Variants in HSF4 observed in about 807,000 individuals in gnomAD.
HSF4 encodes heat shock transcription factor 4.
HSF4 carries 41 observed loss-of-function variants against 52.0 expected under a neutral mutation model. That is an observed-to-expected ratio of 0.79 (90% CI 0.61 to 1.02). The LOEUF is 1.02. Among genes scored for constraint, HSF4 ranks in the 50% least tolerant of loss-of-function variants. The pLI, the probability that HSF4 is intolerant of heterozygous loss-of-function variation, is 0.00. For synonymous variants in HSF4, 285 were observed against 273.0 expected (o/e 1.04, Z -0.43); for missense variants, 610 against 651.1 (o/e 0.94, Z 0.69).
In HSF4 at chr16:67,169,675, G is replaced by GCGGCCTTGGGAGGCC. The variant is rs1401981437; in HGVS notation, c.1371_1385dup (p.Gly461_Gly465dup). On this transcript the variant is annotated inframe_insertion, in exon 13 of 13. Coordinates refer to ENST00000521374, the MANE Select transcript of HSF4 (RefSeq NM_001374675.1). The surrounding 1 kb of genome is among the most constrained non-coding windows in gnomAD (Gnocchi z 4.3). ...GGCCCCACTCCTGCTGGATGTCCAGGCGGCCTTGGGAGGCCCAGCCCTGGG... is the reference window on the plus strand; with the variant it reads ...GGCCCCACTCCTGCTGGATGTCCAGGCGGCCTTGGGAGGCCCGGCCTTGGGAGGCCCAGCCCTGGG... The GCGGCCTTGGGAGGCC allele has an allele frequency of 1.2e-6, 2 of 1,611,992 alleles. No individual in the cohort carries two copies. The highest frequency in any genetic ancestry group is 2.7e-5 in the African/African-American group (2 of 74,920).
upstream of HSF4, chr16:67,164,588 T>A (rs1247981439): frequency 4.6e-5 from 7 of 153,804 alleles, no homozygotes; most frequent in African/African-American, 1.1e-4. Context: ...ACCCCACCCC[T>A]CCACTCCACT....
intron 9 of HSF4, 45 bp downstream of exon 9, chr16:67,167,992 C>T: frequency 7.1e-7 from 1 of 1,413,844 alleles, no homozygotes; most frequent in Non-Finnish European, 9.7e-7. Context: ...GATAGAACAG[C>T]CCTTACCAGC....
intron 9 of HSF4, among the ~76,000 whole-genome samples, chr16:67,168,541 GAAAT>G (rs759707346): frequency 5.3e-5 from 8 of 151,060 alleles, no homozygotes; most frequent in South Asian, 2.1e-4. Flanking sequence ...AAGAAAGAAA[GAAAT>G]AAAGAAAGAA....
In HSF4 at chr16:67,167,714, G is replaced by C. The variant is rs1292109966; in HGVS notation, c.855-6G>C. 1.2e-6 allele frequency: 2 copies of C among 1,610,984 alleles called. No individual in the cohort carries two copies. Among genetic ancestry groups the C allele is most frequent in the South Asian group, 2.2e-5 (2 of 90,930 alleles). ...AGGGTCTGGTTGAAGCTTTTCTCTG[G>C]TGCAGGGAGAAGGGCCTGGCACTGC... On this transcript the variant is annotated splice_region_variant and splice_polypyrimidine_tract_variant and intron_variant, in intron 8 of 12. Transcript: ENST00000521374.
At position 67,166,307 on chromosome 16, in the gene HSF4, A is replaced by C; in HGVS notation, c.486-13A>C. 6.2e-7 allele frequency: 1 copy of C among 1,609,302 alleles called. No individual in the cohort carries two copies. The highest frequency in any genetic ancestry group is 1.1e-5 in the South Asian group (1 of 90,242). Reference sequence around the variant, plus strand: ...CTCTCAGATGCCTCAGCACCCTCCCACCCCTTCCTCAGGCAGAACGAGATC... The same window carrying C: ...CTCTCAGATGCCTCAGCACCCTCCCCCCCCTTCCTCAGGCAGAACGAGATC... On this transcript the variant is annotated splice_polypyrimidine_tract_variant and intron_variant, in intron 4 of 12. Coordinates refer to ENST00000521374, the MANE Select transcript of HSF4 (RefSeq NM_001374675.1).
At position 67,169,595 on chromosome 16, in the gene HSF4, C is replaced by T. The variant is rs758842445; in HGVS notation, c.1325-36C>T. 2.1e-5 allele frequency: 34 copies of T among 1,601,488 alleles called. No homozygotes were observed. The highest frequency in any genetic ancestry group is 2.7e-5 in the Non-Finnish European group (32 of 1,179,668). On this transcript the variant is annotated intron_variant, in intron 12 of 12. Transcript: ENST00000521374. This position sits in a 1 kb window ranked among gnomAD's most constrained non-coding sequence, Gnocchi z 4.3. ...CCTTCCCTGAAGAAAGGAGGGGGAACATTTCCCCTGGTGAGCGCAGTCCCA... is the reference window on the plus strand; with the variant it reads ...CCTTCCCTGAAGAAAGGAGGGGGAATATTTCCCCTGGTGAGCGCAGTCCCA...
chr16:67,165,753 C>G lies in HSF4; in HGVS notation c.267C>G (p.Gly89=), dbSNP rs1164020785. Residue 89 remains glycine, a synonymous_variant, in exon 3 of 13, where the codon GGC becomes GGG. Transcript: ENST00000521374. This position sits in a 1 kb window ranked among gnomAD's most constrained non-coding sequence, Gnocchi z 6.9. ...GGAAGGTGGTGAGCATCGAGCAGGG[C>G]GGCCTGCTTAGGCCGGAGCGCGACC... ...GFRKVVSIEQ[G]GLLRPERDHV... is the part of the protein sequence containing the mutation. The G allele has an allele frequency of 4.3e-6, 7 of 1,611,340 alleles. No individual in the cohort carries two copies. Among genetic ancestry groups the G allele is most frequent in the Non-Finnish European group, 5.9e-6 (7 of 1,179,790 alleles).
chr16:67,165,952 G>C lies in HSF4; in HGVS notation c.367G>C (p.Ala123Pro), dbSNP rs2031249427. The C allele has an allele frequency of 1.3e-6, 2 of 1,570,838 alleles. No individual in the cohort carries two copies. Residue 123 changes from alanine (A) to proline (P), a missense_variant, in exon 4 of 13, where the codon GCG becomes CCG. Ala to Pro is a conservative substitution (Grantham distance 27). Coordinates refer to ENST00000521374, the MANE Select transcript of HSF4 (RefSeq NM_001374675.1). The surrounding 1 kb of genome is among the most constrained non-coding windows in gnomAD (Gnocchi z 6.9). ...LLERVRRKVP[A>P]LRGDDGRWRP... ...CGGTGCCTCCCGCCTGCAGGTGCCC[G>C]CGCTGCGCGGCGACGACGGCCGCTG...
chr16:67,165,275 C>T lies in HSF4; in HGVS notation c.124-247C>T, dbSNP rs770175064. 59 of 598,382 alleles carry T rather than the reference C, an allele frequency of 9.9e-5. No homozygotes were observed. Among genetic ancestry groups the T allele is most frequent in the Non-Finnish European group, 1.2e-4 (40 of 336,500 alleles). 37.1% of individuals were successfully genotyped at this position (598,382 alleles called of 1,614,324 possible). A position where few individuals can be genotyped will look rare whatever the true frequency, so the allele number is the denominator to read the frequency against. ...GCGGGGCTGGGAACCCCGTCAGCCT[C>T]TCCTTTCTGAGAACTGAGTATGGAG... is the stretch of plus-strand genomic sequence containing the variant. On this transcript the variant is annotated intron_variant, in intron 1 of 12. Transcript: ENST00000521374. The surrounding 1 kb of genome is among the most constrained non-coding windows in gnomAD (Gnocchi z 6.9).
chr16:67,168,303 G>C (rs61684153), intron 9 of HSF4, among the ~76,000 whole-genome samples: 12,239 of 151,838 alleles, frequency 0.081, 914 homozygotes, highest in African/African-American at 0.2. Flanking sequence ...GAAACCCCCC[G>C]CCTCTGCTAA....
In HSF4 at chr16:67,165,961, G is replaced by A. The variant is rs779043988; in HGVS notation, c.376G>A (p.Gly126Ser). 1.9e-6 allele frequency: 3 copies of A among 1,565,518 alleles called. No homozygotes were observed. The highest frequency in any genetic ancestry group is 2.3e-5 in the East Asian group (1 of 42,584). The change falls in exon 4 of 13, where the codon GGC becomes AGC. Residue 126 changes from glycine to serine, a missense_variant. Coordinates refer to ENST00000521374, the MANE Select transcript of HSF4 (RefSeq NM_001374675.1). This position sits in a 1 kb window ranked among gnomAD's most constrained non-coding sequence, Gnocchi z 6.9. ...RVRRKVPALR[G>S]DDGRWRPEDL... ...CCGCCTGCAGGTGCCCGCGCTGCGC[G>A]GCGACGACGGCCGCTGGCGCCCGGA... is the stretch of plus-strand genomic sequence containing the variant.
chr16:67,164,261 G>T (rs1051403393), upstream of HSF4: 2 of 417,062 alleles, frequency 4.8e-6, no homozygotes, highest in South Asian at 1.8e-5. Context: ...CCCGGCAGAG[G>T]TTGGGTTTCC....
Position 67,165,929 on chromosome 16 carries a change from G to C in HSF4, c.361-17G>C, listed in dbSNP as rs756720406. 6.3e-7 allele frequency: 1 copy of C among 1,581,492 alleles called. No homozygotes were observed. Among genetic ancestry groups the C allele is most frequent in the Non-Finnish European group, 8.5e-7 (1 of 1,172,190 alleles). On this transcript the variant is annotated splice_polypyrimidine_tract_variant and intron_variant, in intron 3 of 12. Transcript: ENST00000521374. The surrounding 1 kb of genome is among the most constrained non-coding windows in gnomAD (Gnocchi z 6.9). ...TTGCTCCTGCGACCCAGTCCCGACG[G>C]TGCCTCCCGCCTGCAGGTGCCCGCG...
At position 67,169,284 on chromosome 16, in the gene HSF4, G is replaced by A; in HGVS notation, c.1260G>A (p.Gln420=). 6.2e-7 allele frequency: 1 copy of A among 1,613,624 alleles called. No individual in the cohort carries two copies. The highest frequency in any genetic ancestry group is 8.5e-7 in the Non-Finnish European group (1 of 1,179,988). The change falls in exon 12 of 13, where the codon CAG becomes CAA. Residue 420 remains glutamine, a synonymous_variant. Transcript: ENST00000521374. The surrounding 1 kb of genome is among the most constrained non-coding windows in gnomAD (Gnocchi z 4.3). ...TCCCTGCGGTTCTCACGCAGATGCA[G>A]CCCTTGGTTCCAGAGCGGGGTGAGC... The part of the protein sequence containing the change: ...MDLDMELSLM[Q]PLVPERGEPE...
upstream of HSF4, chr16:67,164,287 C>A: frequency 5.1e-6 from 2 of 395,084 alleles, no homozygotes; most frequent in Middle Eastern, 4.3e-4. Flanking sequence ...AGCCTCTGGA[C>A]GACACAGCTG....
At position 67,166,700 on chromosome 16, in the gene HSF4, C is replaced by T. The variant is rs1397771229; in HGVS notation, c.626+78C>T. ...TCCCCTTGCAAGGACCCCTTCTCCTCTGGAAACTCCTTCACCGGGAATCCT... is the reference window on the plus strand; with the variant it reads ...TCCCCTTGCAAGGACCCCTTCTCCTTTGGAAACTCCTTCACCGGGAATCCT... On this transcript the variant is annotated intron_variant, in intron 6 of 12. Transcript: ENST00000521374. The T allele has an allele frequency of 1.5e-5, 19 of 1,304,934 alleles. No individual in the cohort carries two copies. In the Admixed American group the frequency reaches 3.2e-4, roughly 22 times the overall value. The allele number at this position is 1,304,934 out of a possible 1,614,324, so 80.8% of individuals were successfully genotyped here. A position where few individuals can be genotyped will look rare whatever the true frequency, so the allele number is the denominator to read the frequency against.
In HSF4 at chr16:67,165,603, G is replaced by A; in HGVS notation, c.205G>A (p.Ala69Thr). ...CCAGTATTTCAAGCATAGCAACATG[G>A]CGAGCTTCGTGCGCCAACTCAACAT... ...LPQYFKHSNM[A>T]SFVRQLNMYG... Residue 69 changes from alanine (A) to threonine (T), a missense_variant, in exon 2 of 13, where the codon GCG becomes ACG. Physicochemically the swap from Ala to Thr is moderately conservative, Grantham distance 58. Coordinates refer to ENST00000521374, the MANE Select transcript of HSF4 (RefSeq NM_001374675.1). The surrounding 1 kb of genome is among the most constrained non-coding windows in gnomAD (Gnocchi z 6.9). 1 of 1,613,204 alleles carries A rather than the reference G, an allele frequency of 6.2e-7. No homozygotes were observed. Among genetic ancestry groups the A allele is most frequent in the Non-Finnish European group, 8.5e-7 (1 of 1,179,914 alleles).
upstream of HSF4, chr16:67,164,729 G>C: frequency 6.8e-7 from 1 of 1,461,470 alleles, no homozygotes; most frequent in Non-Finnish European, 9.0e-7. Flanking sequence ...AGGGCGGAGC[G>C]GGCGGCAAAC....
chr16:67,165,913 C>T lies in HSF4; in HGVS notation c.361-33C>T, dbSNP rs751239474. The T allele has an allele frequency of 1.8e-5, 28 of 1,587,722 alleles. No homozygotes were observed. The highest frequency in any genetic ancestry group is 2.3e-5 in the Non-Finnish European group (27 of 1,174,906). On this transcript the variant is annotated intron_variant, in intron 3 of 12. Coordinates refer to ENST00000521374, the MANE Select transcript of HSF4 (RefSeq NM_001374675.1). The surrounding 1 kb of genome is among the most constrained non-coding windows in gnomAD (Gnocchi z 6.9). ...GCTGGGACTGCCTGCCTTGCTCCTGCGACCCAGTCCCGACGGTGCCTCCCG... is the reference window on the plus strand; with the variant it reads ...GCTGGGACTGCCTGCCTTGCTCCTGTGACCCAGTCCCGACGGTGCCTCCCG...
Sources: gnomAD v4.1 joint callset for allele counts (sites outside exome capture counted in the v4.1 genomes callset) on GRCh38, gnomAD v4.1.1 for gene constraint, Gnocchi (gnomAD v3.1) non-coding constraint, MANE v1.5 for transcripts, NCBI Gene and HGNC (gene_info 2026-07-23, HGNC 2026-07-21) for gene names.